The following BRIP1 variants were observed in gnomAD, a reference collection of about 807,000 sequenced individuals.
The protein encoded by BRIP1 is Fanconi anemia group J protein.
A neutral mutation model predicts 119.7 loss-of-function variants in BRIP1; 88 were observed. That is an observed-to-expected ratio of 0.74 (90% confidence interval 0.62 to 0.88). BRIP1 has a LOEUF of 0.88. Among genes scored for constraint, BRIP1 ranks in the 40% least tolerant of loss-of-function variants. The pLI is 0.00. For synonymous variants in BRIP1, 443 were observed against 496.5 expected (o/e 0.89, Z 1.43); for missense variants, 1,259 against 1,455.4 (o/e 0.87, Z 2.20).
intron 6 of BRIP1, among the ~76,000 whole-genome samples, chr17:61,829,941 T>C (rs972055591): frequency 4.2e-4 from 63 of 150,092 alleles, no homozygotes; most frequent in African/African-American, 1.4e-3. Context: ...TTTTTTTTTC[T>C]TTTTTTTTGA....
chr17:61,713,180 T>G lies in BRIP1; in HGVS notation c.2492+2771A>C, dbSNP rs193227728. On this transcript the variant is annotated intron_variant, in intron 17 of 19. Transcript: ENST00000259008. This position sits in a 1 kb window ranked among gnomAD's most constrained non-coding sequence, Gnocchi z 4.9. ...AAACAAACCTACTGTGCTGCTAGTC[T>G]TATAAAAGTATAGCACATACAATTA... Among the ~76,000 whole-genome samples the G allele has an allele frequency of 8.5e-5, 13 of 152,314 alleles. 1 individual carries two copies. Among genetic ancestry groups the G allele is most frequent in the Admixed American group, 6.5e-4 (10 of 15,306 alleles).
In BRIP1 at chr17:61,706,857, G is replaced by C. The variant is rs2144305464; in HGVS notation, c.2492+9094C>G. On this transcript the variant is annotated intron_variant, in intron 17 of 19. Coordinates refer to ENST00000259008, the MANE Select transcript of BRIP1 (RefSeq NM_032043.3). The surrounding 1 kb of genome is among the most constrained non-coding windows in gnomAD (Gnocchi z 5.7). ...TAATTAATCCCCAAACCATGCCATA[G>C]CTGTAAAAATTCTTCCAAGTATGGT... Among the ~76,000 whole-genome samples the C allele has an allele frequency of 1.3e-5, 2 of 152,144 alleles. No homozygotes were observed. Among genetic ancestry groups the C allele is most frequent in the Middle Eastern group, 3.4e-3 (1 of 294 alleles).
At position 61,713,032 on chromosome 17, in the gene BRIP1, G is replaced by A. The variant is rs1452466625; in HGVS notation, c.2492+2919C>T. Among the ~76,000 whole-genome samples, 2 of 152,184 alleles carry A rather than the reference G, an allele frequency of 1.3e-5. No individual in the cohort carries two copies. Among genetic ancestry groups the A allele is most frequent in the Admixed American group, 6.5e-5 (1 of 15,274 alleles). On this transcript the variant is annotated intron_variant, in intron 17 of 19. Coordinates refer to ENST00000259008, the MANE Select transcript of BRIP1 (RefSeq NM_032043.3). This position sits in a 1 kb window ranked among gnomAD's most constrained non-coding sequence, Gnocchi z 4.9. ...ATAATGATGTTTCAGTCAGTGTGAA[G>A]TGCATATATGATAGTGGTCCCATAA... is the stretch of plus-strand genomic sequence containing the variant.
At chr17:61,763,601 G>A (rs2077309238) in intron 14 of BRIP1, among the ~76,000 whole-genome samples, 1 of 152,070 alleles carries the variant, frequency 6.6e-6, no homozygotes, top group Admixed American at 6.6e-5. Context: ...CCAACGCACT[G>A]ATATGAGCTC....
rs374353832 is a variant in BRIP1, at chr17:61,822,882, T to C, written c.628-14125A>G. ...ATGTGTAGTGGTGCTGTTGAATTAATGGCTAAATTAGGTCGTAAGTTTCAA... is the reference window on the plus strand; with the variant it reads ...ATGTGTAGTGGTGCTGTTGAATTAACGGCTAAATTAGGTCGTAAGTTTCAA... On this transcript the variant is annotated intron_variant, in intron 6 of 19. Transcript: ENST00000259008. This position sits in a 1 kb window ranked among gnomAD's most constrained non-coding sequence, Gnocchi z 4.4. 7.9e-5 allele frequency among the ~76,000 whole-genome samples: 12 copies of C among 152,286 alleles called. No homozygotes were observed. In the East Asian group the frequency reaches 1.5e-3, roughly 20 times the overall value.
At position 61,794,248 on chromosome 17, in the gene BRIP1, G is replaced by C. The variant is rs1210590523; in HGVS notation, c.1341-519C>G. 6.6e-6 allele frequency among the ~76,000 whole-genome samples: 1 copy of C among 152,024 alleles called. No homozygotes were observed. The highest frequency in any genetic ancestry group is 1.5e-5 in the Non-Finnish European group (1 of 67,984). On this transcript the variant is annotated intron_variant, in intron 9 of 19. Transcript: ENST00000259008. The surrounding 1 kb of genome is among the most constrained non-coding windows in gnomAD (Gnocchi z 4.3). ...AAAATAACAGCAGTTAAATAAAATA[G>C]GCAAGGTCCTTACTCTCATGGAAAT...
intron 11 of BRIP1, among the ~76,000 whole-genome samples, chr17:61,782,540 A>C (rs1217097242): frequency 6.6e-6 from 1 of 152,220 alleles, no homozygotes; most frequent in African/African-American, 2.4e-5. Context: ...CCTTTTCTGC[A>C]TCAAAGGACA....
intron 6 of BRIP1, among the ~76,000 whole-genome samples, chr17:61,836,279 T>A (rs1278236021): frequency 6.6e-6 from 1 of 151,242 alleles, no homozygotes; most frequent in Non-Finnish European, 1.5e-5. Context: ...CCAAGCTAAT[T>A]TTGTTTGTTT....
intron 14 of BRIP1, among the ~76,000 whole-genome samples, chr17:61,771,776 A>C (rs779727345): frequency 6.6e-6 from 1 of 152,040 alleles, no homozygotes; most frequent in African/African-American, 2.4e-5. Context: ...CCTGGCCAAC[A>C]TGGTGAAACC....
Position 61,683,109 on chromosome 17 carries a change from C to G in BRIP1, c.*187G>C, listed in dbSNP as rs2061291428. ...GCACACCACTGCATTCCAGCCTGGG[C>G]AACAGACCAAGACTCTGTCTCAAAA... On this transcript the variant is annotated 3_prime_UTR_variant, in exon 20 of 20. Transcript: ENST00000259008. The surrounding 1 kb of genome is among the most constrained non-coding windows in gnomAD (Gnocchi z 4.7). 1.5e-6 allele frequency: 1 copy of G among 651,200 alleles called. No individual in the cohort carries two copies. Among genetic ancestry groups the G allele is most frequent in the Admixed American group, 3.1e-5 (1 of 31,798 alleles). 40.3% of individuals were successfully genotyped at this position (651,200 alleles called of 1,614,324 possible). A position where few individuals can be genotyped will look rare whatever the true frequency, so the allele number is the denominator to read the frequency against.
At position 61,680,183 on chromosome 17, in the gene BRIP1, A is replaced by T. The variant is rs1377087362; in HGVS notation, c.*3113T>A. 1.8e-5 allele frequency among the ~76,000 whole-genome samples: 1 copy of T among 57,038 alleles called. No homozygotes were observed. Among genetic ancestry groups the T allele is most frequent in the Non-Finnish European group, 3.6e-5 (1 of 27,826 alleles). 37.4% of individuals were successfully genotyped at this position (57,038 alleles called of 152,430 possible). ...CATGGTGAAACCCTGTCGATACTTA[A>T]AAAAAAAAAAAAAAAAAAATTAGCT... is the stretch of plus-strand genomic sequence containing the variant. On this transcript the variant is annotated 3_prime_UTR_variant, in exon 20 of 20. Coordinates refer to ENST00000259008, the MANE Select transcript of BRIP1 (RefSeq NM_032043.3).
At chr17:61,694,831 G>A (rs1445999106) in intron 17 of BRIP1, among the ~76,000 whole-genome samples, 2 of 151,176 alleles carry the variant, frequency 1.3e-5, no homozygotes, top group Non-Finnish European at 3.0e-5. Flanking sequence ...TCCTTTTTTG[G>A]AGAAGTCTGT....
rs2078989647 is a variant in BRIP1, at chr17:61,862,809, T to C, written c.-31+475A>G. Among the ~76,000 whole-genome samples the C allele has an allele frequency of 6.6e-6, 1 of 152,206 alleles. No homozygotes were observed. The highest frequency in any genetic ancestry group is 1.5e-5 in the Non-Finnish European group (1 of 68,032). ...TGAAGCCAATAATAACATTCACCAC[T>C]GCTTGTGTGCTCCAAAAGAAGAACC... On this transcript the variant is annotated intron_variant, in intron 1 of 19. Coordinates refer to ENST00000259008, the MANE Select transcript of BRIP1 (RefSeq NM_032043.3). The surrounding 1 kb of genome is among the most constrained non-coding windows in gnomAD (Gnocchi z 5.3).
At position 61,767,669 on chromosome 17, in the gene BRIP1, A is replaced by G. The variant is rs1391481161; in HGVS notation, c.2097+8732T>C. Among the ~76,000 whole-genome samples the G allele has an allele frequency of 1.3e-5, 2 of 152,048 alleles. No homozygotes were observed. Among genetic ancestry groups the G allele is most frequent in the Non-Finnish European group, 2.9e-5 (2 of 68,006 alleles). ...GATGTCAAACTCCTGAGCTCAGGCA[A>G]TCCACCCACCTTGGCCTCCCAAAGT... On this transcript the variant is annotated intron_variant, in intron 14 of 19. Coordinates refer to ENST00000259008, the MANE Select transcript of BRIP1 (RefSeq NM_032043.3). This position sits in a 1 kb window ranked among gnomAD's most constrained non-coding sequence, Gnocchi z 5.7.
rs1603317389 is a variant in BRIP1, at chr17:61,768,627, A to T, written c.2097+7774T>A. On this transcript the variant is annotated intron_variant, in intron 14 of 19. Transcript: ENST00000259008. This position sits in a 1 kb window ranked among gnomAD's most constrained non-coding sequence, Gnocchi z 5.0. ...AATCTTTATTCTAATGGTTCTTCCT[A>T]ACCTTTTTCTTACCCTGATAAATTA... is the stretch of plus-strand genomic sequence containing the variant. 6.6e-6 allele frequency among the ~76,000 whole-genome samples: 1 copy of T among 152,160 alleles called. No individual in the cohort carries two copies. Among genetic ancestry groups the T allele is most frequent in the East Asian group, 1.9e-4 (1 of 5,200 alleles).
intron 14 of BRIP1, among the ~76,000 whole-genome samples, chr17:61,773,944 T>G (rs2077496441): frequency 6.6e-6 from 1 of 152,092 alleles, no homozygotes; most frequent in East Asian, 1.9e-4. Context: ...CAACAGAAGC[T>G]GGAGAGGATG....
intron 16 of BRIP1, among the ~76,000 whole-genome samples, chr17:61,737,150 G>A (rs2076929559): frequency 6.6e-6 from 1 of 152,096 alleles, no homozygotes; most frequent in African/African-American, 2.4e-5. Flanking sequence ...AGGAAATGAT[G>A]AAGGATTGAG....
At position 61,720,302 on chromosome 17, in the gene BRIP1, C is replaced by T. The variant is rs888155248; in HGVS notation, c.2380-4239G>A. On this transcript the variant is annotated intron_variant, in intron 16 of 19. Transcript: ENST00000259008. This position sits in a 1 kb window ranked among gnomAD's most constrained non-coding sequence, Gnocchi z 4.3. ...AAGAAATGATAAATGTTTGAGATGA[C>T]AGATACGCTAATTACCCTGATCTAA... 7.2e-5 allele frequency among the ~76,000 whole-genome samples: 11 copies of T among 152,126 alleles called. No individual in the cohort carries two copies. Among genetic ancestry groups the T allele is most frequent in the Middle Eastern group, 3.2e-3 (1 of 316 alleles).
rs35019722 is a variant in BRIP1 at position 61,758,837 on chromosome 17, TA to T, written c.2098-14247del. Among the ~76,000 whole-genome samples, 144,079 of 146,150 alleles carry T rather than the reference TA, an allele frequency of 0.99. 71,035 individuals are homozygous for T. The highest frequency in any genetic ancestry group is 1 in the East Asian group (4,986 of 4,988). On this transcript the variant is annotated intron_variant, in intron 14 of 19. Coordinates refer to ENST00000259008, the MANE Select transcript of BRIP1 (RefSeq NM_032043.3). The surrounding 1 kb of genome is among the most constrained non-coding windows in gnomAD (Gnocchi z 5.3). Reference sequence around the variant, plus strand: ...GGGCAAAACAGCAAGACCCTATCTCTAAAAAAAAAAAAGTTTTTAAAAAATG... The same window carrying T: ...GGGCAAAACAGCAAGACCCTATCTCTAAAAAAAAAAAGTTTTTAAAAAATG...
Sources: allele counts gnomAD v4.1 joint callset (sites outside exome capture counted in the v4.1 genomes callset), GRCh38; gene constraint gnomAD v4.1.1; non-coding constraint Gnocchi (gnomAD v3.1); transcripts MANE v1.5; gene names NCBI Gene and HGNC (gene_info 2026-07-23, HGNC 2026-07-21).